The following ANKRD6 variants were observed in gnomAD, a reference collection of about 807,000 sequenced individuals.
ANKRD6 encodes the protein ankyrin repeat domain-containing protein 6.
ANKRD6 carries 56 observed loss-of-function variants against 82.3 expected under a neutral mutation model. The observed-to-expected ratio is 0.68, with a 90% CI of 0.55 to 0.85. ANKRD6 has a LOEUF of 0.85. Among genes scored for constraint, ANKRD6 ranks in the 40% least tolerant of loss-of-function variants. ANKRD6 has a pLI of 0.00. For synonymous variants in ANKRD6, 347 were observed against 352.1 expected (o/e 0.99, Z 0.16); for missense variants, 852 against 907.6 (o/e 0.94, Z 0.79).
intron 1 of ANKRD6, among the ~76,000 whole-genome samples, chr6:89,539,089 A>T (rs535701090): frequency 6.6e-6 from 1 of 152,190 alleles, no homozygotes; most frequent in East Asian, 1.9e-4. Flanking sequence ...TTAGGAATCT[A>T]TTTCTTTCAT....
chr6:89,555,202 A>G (rs982540926), intron 1 of ANKRD6, among the ~76,000 whole-genome samples: 11 of 149,376 alleles, frequency 7.4e-5, no homozygotes, highest in Admixed American at 6.1e-4. Context: ...CTCTAAGTCT[A>G]CATCCTAAAG....
chr6:89,531,913 G>T (rs1175573832), intron 1 of ANKRD6, among the ~76,000 whole-genome samples: 1 of 152,240 alleles, frequency 6.6e-6, no homozygotes, highest in Non-Finnish European at 1.5e-5. Context: ...AAACCCAGAA[G>T]AGTCAATGGT....
At chr6:89,529,776 T>G (rs981716046) in intron 1 of ANKRD6, among the ~76,000 whole-genome samples, 4 of 152,076 alleles carry the variant, frequency 2.6e-5, no homozygotes, top group African/African-American at 9.7e-5. Flanking sequence ...TCTCAGCAAA[T>G]AGGGAGGCCC....
At position 89,543,791 on chromosome 6, in the gene ANKRD6, A is replaced by G. The variant is rs149032749; in HGVS notation, c.-143-23043A>G. 5.9e-5 allele frequency among the ~76,000 whole-genome samples: 9 copies of G among 152,276 alleles called. No homozygotes were observed. The East Asian group carries it at 1.7e-3, about 29-fold the overall frequency. ...ATACAAGTCAGGTAACACACGTGTCAGTTTCTGTCTATCTCGCCCATGCCA... is the reference window on the plus strand; with the variant it reads ...ATACAAGTCAGGTAACACACGTGTCGGTTTCTGTCTATCTCGCCCATGCCA... On this transcript the variant is annotated intron_variant, in intron 1 of 15. Coordinates refer to ENST00000339746, the MANE Select transcript of ANKRD6 (RefSeq NM_001242809.2).
In ANKRD6 at chr6:89,623,556, CAGAA is replaced by C; in HGVS notation, c.1032+15_1032+18del. On this transcript the variant is annotated intron_variant, in intron 11 of 15. Transcript: ENST00000339746. Reference sequence around the variant, plus strand: ...AGTCAAGGCCCAAGGTCAGGAGACACAGAAAGCAGCCCAGAGGGGTGGCTGGGAG... The same window carrying C: ...AGTCAAGGCCCAAGGTCAGGAGACACAGCAGCCCAGAGGGGTGGCTGGGAG... The C allele has an allele frequency of 6.4e-7, 1 of 1,574,598 alleles. No homozygotes were observed. The highest frequency in any genetic ancestry group is 8.6e-7 in the Non-Finnish European group (1 of 1,160,064).
intron 10 of ANKRD6, among the ~76,000 whole-genome samples, chr6:89,622,800 A>G (rs538795894): frequency 6.6e-6 from 1 of 152,170 alleles, no homozygotes; most frequent in African/African-American, 2.4e-5. Flanking sequence ...TTGGCACAGA[A>G]AATGTTATCA....
At chr6:89,537,208 A>G (rs1283218666) in intron 1 of ANKRD6, among the ~76,000 whole-genome samples, 1 of 152,166 alleles carries the variant, frequency 6.6e-6, no homozygotes, top group Admixed American at 6.5e-5. Flanking sequence ...TTGATTTTAC[A>G]ATACAATTTA....
intron 1 of ANKRD6, among the ~76,000 whole-genome samples, chr6:89,484,961 C>T (rs1397648652): frequency 6.6e-6 from 1 of 152,184 alleles, no homozygotes; most frequent in Non-Finnish European, 1.5e-5. Context: ...CAGTGATGGA[C>T]TGTATCAATG....
At chr6:89,458,132 ATGTT>A (rs1773701919) in intron 1 of ANKRD6, among the ~76,000 whole-genome samples, 1 of 152,154 alleles carries the variant, frequency 6.6e-6, no homozygotes, top group African/African-American at 2.4e-5. Flanking sequence ...TGAGAGATAA[ATGTT>A]TGTTGTTTAA....
At chr6:89,457,953 C>A (rs550545105) in intron 1 of ANKRD6, among the ~76,000 whole-genome samples, 2 of 152,256 alleles carry the variant, frequency 1.3e-5, no homozygotes, top group African/African-American at 4.8e-5. Context: ...GGAGCCTTCA[C>A]GAATGGGATT....
chr6:89,607,276 T>G (rs573736845), intron 5 of ANKRD6, among the ~76,000 whole-genome samples: 1 of 150,568 alleles, frequency 6.6e-6, no homozygotes, highest in Non-Finnish European at 1.5e-5. Context: ...AAGAAAAAAA[T>G]AAGCAATAAA....
chr6:89,538,093 A>G (rs1005476806), intron 1 of ANKRD6, among the ~76,000 whole-genome samples: 1 of 152,186 alleles, frequency 6.6e-6, no homozygotes, highest in South Asian at 2.1e-4. Context: ...AAAGTATCCT[A>G]AAATATTTAG....
At chr6:89,537,973 C>T (rs1218925610) in intron 1 of ANKRD6, among the ~76,000 whole-genome samples, 1 of 151,814 alleles carries the variant, frequency 6.6e-6, no homozygotes, top group Admixed American at 6.6e-5. Flanking sequence ...TACTTTGTGG[C>T]AAATCCCAGA....
chr6:89,507,101 T>C (rs1185534363), intron 1 of ANKRD6, among the ~76,000 whole-genome samples: 3 of 152,250 alleles, frequency 2.0e-5, no homozygotes, highest in African/African-American at 7.2e-5. Flanking sequence ...ATTAACATTG[T>C]GATGACCACC....
chr6:89,593,207 C>A (rs1795236728), intron 2 of ANKRD6, among the ~76,000 whole-genome samples: 1 of 152,236 alleles, frequency 6.6e-6, no homozygotes, highest in South Asian at 2.1e-4. Flanking sequence ...TCCCTCATAG[C>A]ACACACTTCT....
chr6:89,569,554 T>C (rs901464532), intron 2 of ANKRD6, among the ~76,000 whole-genome samples: 3 of 152,232 alleles, frequency 2.0e-5, no homozygotes, highest in African/African-American at 7.2e-5. Flanking sequence ...TTTGTGAAAA[T>C]TTATATACAA....
At chr6:89,495,719 G>T (rs547101290) in intron 1 of ANKRD6, among the ~76,000 whole-genome samples, 1 of 152,232 alleles carries the variant, frequency 6.6e-6, no homozygotes, top group Non-Finnish European at 1.5e-5. Context: ...ATTCAATACT[G>T]TAATTTAATT....
intron 1 of ANKRD6, among the ~76,000 whole-genome samples, chr6:89,495,186 T>C (rs1329300469): frequency 1.3e-5 from 2 of 152,216 alleles, no homozygotes; most frequent in Non-Finnish European, 2.9e-5. Flanking sequence ...CGAGCCAAGA[T>C]TGTGCCACTG....
intron 1 of ANKRD6, among the ~76,000 whole-genome samples, chr6:89,472,296 A>T (rs1775575477): frequency 6.6e-6 from 1 of 152,244 alleles, no homozygotes; most frequent in Non-Finnish European, 1.5e-5. Flanking sequence ...TTAGAACTTC[A>T]GCTTATCCTT....
Sources: gnomAD v4.1 joint callset for allele counts (sites outside exome capture counted in the v4.1 genomes callset) on GRCh38, gnomAD v4.1.1 for gene constraint, MANE v1.5 for transcripts, NCBI Gene and HGNC (gene_info 2026-07-23, HGNC 2026-07-21) for gene names.